The following CENPP variants were observed in gnomAD, a reference collection of about 807,000 sequenced individuals.
The protein encoded by CENPP is centromere protein P.
CENPP carries 24 observed loss-of-function variants against 35.6 expected under a neutral mutation model. The observed-to-expected ratio is 0.67, with a 90% CI of 0.49 to 0.95. CENPP has a LOEUF of 0.95. Among genes scored for constraint, CENPP ranks in the 40% least tolerant of loss-of-function variants. The pLI is 0.00. For synonymous variants in CENPP, 120 were observed against 125.5 expected (o/e 0.96, Z 0.29); for missense variants, 332 against 345.3 (o/e 0.96, Z 0.31).
At chr9:92,533,331 ATAT>A (rs1563991502) in intron 5 of CENPP, among the ~76,000 whole-genome samples, 87 of 79,064 alleles carry the variant, frequency 1.1e-3, no homozygotes, top group East Asian at 3.8e-3. Context: ...AAAAAAAAAT[ATAT>A]ATATATATAT....
chr9:92,483,895 T>A (rs1474739677), intron 5 of CENPP, among the ~76,000 whole-genome samples: 1 of 152,218 alleles, frequency 6.6e-6, no homozygotes, highest in Non-Finnish European at 1.5e-5. Context: ...TCAGGCCCCA[T>A]CCTAGCCCTG....
At chr9:92,608,657 A>T (rs1330057249) in intron 5 of CENPP, among the ~76,000 whole-genome samples, 1 of 152,182 alleles carries the variant, frequency 6.6e-6, no homozygotes, top group Non-Finnish European at 1.5e-5. Context: ...AGTGACCGTG[A>T]CCTTGGCTAA....
chr9:92,588,989 C>T (rs1353737333), intron 5 of CENPP, among the ~76,000 whole-genome samples: 1 of 152,018 alleles, frequency 6.6e-6, no homozygotes, highest in East Asian at 1.9e-4. Flanking sequence ...TATAGCTCTG[C>T]TTAATATGCA....
intron 5 of CENPP, among the ~76,000 whole-genome samples, chr9:92,478,765 G>GT (rs896100659): frequency 8.6e-5 from 13 of 151,972 alleles, no homozygotes; most frequent in African/African-American, 3.1e-4. Flanking sequence ...TTTAGTTTAA[G>GT]TTTTTTCCCA....
chr9:92,528,939 G>A (rs1848579236), intron 5 of CENPP, among the ~76,000 whole-genome samples: 1 of 152,198 alleles, frequency 6.6e-6, no homozygotes, highest in Admixed American at 6.5e-5. Context: ...AATAAAGTAG[G>A]TGTTTAAAAA....
At chr9:92,522,180 A>T (rs2131242802) in intron 5 of CENPP, among the ~76,000 whole-genome samples, 1 of 151,938 alleles carries the variant, frequency 6.6e-6, no homozygotes, top group East Asian at 1.9e-4. Context: ...TCCACCTCCC[A>T]GGTTCAAGTG....
intron 5 of CENPP, among the ~76,000 whole-genome samples, chr9:92,411,520 C>A (rs1204052635): frequency 6.6e-6 from 1 of 151,940 alleles, no homozygotes. Flanking sequence ...GTCTAGAACT[C>A]CTGGGCTCAA....
At chr9:92,457,586 A>G in intron 5 of CENPP, 3 of 827,008 alleles carry the variant, frequency 3.6e-6, no homozygotes, top group South Asian at 3.4e-5. Context: ...TCATCTGTTT[A>G]TTTTACATTG....
At chr9:92,388,338 T>G (rs1467483533) in intron 5 of CENPP, among the ~76,000 whole-genome samples, 1 of 151,344 alleles carries the variant, frequency 6.6e-6, no homozygotes, top group East Asian at 2.0e-4. Flanking sequence ...ATTTTTGTAT[T>G]TTTAGTGGAG....
At chr9:92,396,237 A>G (rs1042368847) in intron 5 of CENPP, among the ~76,000 whole-genome samples, 2 of 152,144 alleles carry the variant, frequency 1.3e-5, no homozygotes, top group South Asian at 4.1e-4. Flanking sequence ...TTTTATGCCA[A>G]TACTGCAGTG....
chr9:92,427,266 G>A (rs547672982), intron 5 of CENPP, among the ~76,000 whole-genome samples: 8 of 152,214 alleles, frequency 5.3e-5, no homozygotes, highest in South Asian at 2.1e-4. Context: ...GGGTTCAAGC[G>A]ATTCTCCTGC....
intron 5 of CENPP, among the ~76,000 whole-genome samples, chr9:92,436,191 GCTAT>G (rs1408808697): frequency 2.6e-5 from 4 of 152,088 alleles, no homozygotes; most frequent in African/African-American, 4.8e-5. Flanking sequence ...GTGCTTATTT[GCTAT>G]CTGTGTATTC....
intron 5 of CENPP, among the ~76,000 whole-genome samples, chr9:92,591,502 A>C (rs986049056): frequency 6.6e-6 from 1 of 151,782 alleles, no homozygotes; most frequent in African/African-American, 2.4e-5. Flanking sequence ...TTGTGTGTCA[A>C]TCCTAACTCA....
intron 5 of CENPP, among the ~76,000 whole-genome samples, chr9:92,541,909 T>G (rs895164110): frequency 6.6e-5 from 10 of 152,164 alleles, no homozygotes; most frequent in Non-Finnish European, 4.4e-5. Context: ...TTCTCCTGCC[T>G]CAGCTTCATG....
chr9:92,497,767 G>C (rs1846434406), intron 5 of CENPP, among the ~76,000 whole-genome samples: 1 of 151,512 alleles, frequency 6.6e-6, no homozygotes, highest in Admixed American at 6.6e-5. Context: ...AATGGGAGGT[G>C]TTTGGGTCAT....
intron 5 of CENPP, among the ~76,000 whole-genome samples, chr9:92,548,137 C>A (rs1483494568): frequency 6.6e-6 from 1 of 152,144 alleles, no homozygotes; most frequent in Non-Finnish European, 1.5e-5. Flanking sequence ...GTCCAGATTG[C>A]TGCTGCATGT....
At chr9:92,483,892 C>T (rs1258175385) in intron 5 of CENPP, among the ~76,000 whole-genome samples, 1 of 152,198 alleles carries the variant, frequency 6.6e-6, no homozygotes, top group East Asian at 1.9e-4. Flanking sequence ...AACTCAGGCC[C>T]CATCCTAGCC....
intron 5 of CENPP, chr9:92,415,284 T>G: frequency 6.2e-7 from 1 of 1,613,830 alleles, no homozygotes; most frequent in South Asian, 1.1e-5. Flanking sequence ...TCCTGAAAAC[T>G]TGTGTCTTTA....
chr9:92,417,336 A>G, intron 5 of CENPP: 1 of 1,614,076 alleles, frequency 6.2e-7, no homozygotes, highest in Non-Finnish European at 8.5e-7. Context: ...CAGTACATTG[A>G]TGATGGAAAG....
Sources: allele counts gnomAD v4.1 joint callset (sites outside exome capture counted in the v4.1 genomes callset), GRCh38; gene constraint gnomAD v4.1.1; transcripts MANE v1.5; gene names NCBI Gene and HGNC (gene_info 2026-07-23, HGNC 2026-07-21).